The following PBX1 variants were observed in gnomAD, a reference collection of about 807,000 sequenced individuals.
PBX1 encodes pre-B-cell leukemia transcription factor 1.
Under a neutral mutation model 53.4 loss-of-function variants are expected in PBX1, and 6 were observed. The ratio of observed to expected loss-of-function variants is 0.11; its 90% CI spans 0.06 to 0.22. PBX1 has a LOEUF of 0.22. Among genes scored for constraint, PBX1 ranks in the 10% least tolerant of loss-of-function variants. The pLI is 1.00. For missense variants in PBX1, 251 were observed against 551.4 expected (o/e 0.46, Z 5.46); for synonymous variants, 204 against 212.3 (o/e 0.96, Z 0.34).
rs1165817268 is a variant in PBX1 at position 164,881,344 on chromosome 1, GGAAGGAAGGAAGGAAGGAGGAAAA to G, written n.258-17825_258-17802del. 5.2e-3 allele frequency among the ~76,000 whole-genome samples: 313 copies of G among 60,662 alleles called. 9 individuals carry two copies. The highest frequency in any genetic ancestry group is 0.038 in the Middle Eastern group (4 of 104). The allele number at this position is 60,662 out of a possible 152,430, so 39.8% of individuals were successfully genotyped here. ...AGGAAGGAGGAAAAGAAGGAAGGAA[GGAAGGAAGGAAGGAAGGAGGAAAA>G]GAAGGAAGGAAGGAAGGAAGGAAGG... On this transcript the variant is annotated intron_variant and non_coding_transcript_variant, in intron 2 of 2. Coordinates refer to the PBX1 transcript ENST00000558796.
intron 2 of PBX1, among the ~76,000 whole-genome samples, chr1:164,604,932 A>G (rs1205904891): frequency 6.6e-6 from 1 of 152,222 alleles, no homozygotes; most frequent in African/African-American, 2.4e-5. Context: ...AGACAAGACA[A>G]ACCATCTTCC....
intron 2 of PBX1, among the ~76,000 whole-genome samples, chr1:164,662,347 T>C (rs74662283): frequency 0.014 from 2,082 of 152,186 alleles, 59 homozygotes; most frequent in African/African-American, 0.047. Flanking sequence ...CAAAAACTTC[T>C]TTAGTCTGTT....
intron 2 of PBX1, chr1:164,564,073 G>A (rs1176208867): frequency 6.6e-6 from 1 of 152,094 alleles, no homozygotes. Context: ...ACATCCCCTT[G>A]TTTATTTTAA....
chr1:164,623,681 A>G (rs1166565019), intron 2 of PBX1, among the ~76,000 whole-genome samples: 1 of 151,998 alleles, frequency 6.6e-6, no homozygotes, highest in East Asian at 1.9e-4. Flanking sequence ...TGTGGCTAGC[A>G]TCTTGGTGCT....
At chr1:164,844,110 T>C (rs2102415291) in intron 8 of PBX1, among the ~76,000 whole-genome samples, 1 of 129,604 alleles carries the variant, frequency 7.7e-6, no homozygotes, top group East Asian at 2.1e-4. Context: ...TTTCTTTCTT[T>C]CTTTCTTTTT....
At chr1:164,821,082 C>T (rs1431253385) in intron 7 of PBX1, among the ~76,000 whole-genome samples, 2 of 152,206 alleles carry the variant, frequency 1.3e-5, no homozygotes, top group African/African-American at 4.8e-5. Context: ...TACAAGGTCT[C>T]AATCAAGTAC....
chr1:164,616,525 A>G (rs781201431), intron 2 of PBX1, among the ~76,000 whole-genome samples: 11 of 152,254 alleles, frequency 7.2e-5, no homozygotes, highest in Non-Finnish European at 1.2e-4. Context: ...CGGTTAGCTG[A>G]ATCATATTTT....
chr1:164,875,984 ATGTG>A (rs1347054226), intron 2 of PBX1, among the ~76,000 whole-genome samples: 1 of 50,168 alleles, frequency 2.0e-5, no homozygotes, highest in Non-Finnish European at 6.6e-5. Context: ...TATTTGGTGT[ATGTG>A]TATATATATA....
chr1:164,587,458 G>T (rs1185418841), intron 2 of PBX1, among the ~76,000 whole-genome samples: 1 of 152,080 alleles, frequency 6.6e-6, no homozygotes, highest in Non-Finnish European at 1.5e-5. Context: ...CTTTTGTCGG[G>T]TGAGGAGCCC....
chr1:164,644,549 C>T (rs1259708808), intron 2 of PBX1, among the ~76,000 whole-genome samples: 4 of 150,754 alleles, frequency 2.7e-5, no homozygotes, highest in Middle Eastern at 3.4e-3. Context: ...AAATCTAAAA[C>T]GTTTATCAGC....
Position 164,679,293 on chromosome 1 carries a change from GT to G in PBX1, c.266-113199del, listed in dbSNP as rs1296904684. On this transcript the variant is annotated intron_variant, in intron 2 of 8. Transcript: ENST00000420696. The stretch of plus-strand genomic sequence containing the variant: ...ACCCTTGCCAAATTCTGCACTTTTT[GT>G]TAGTTTGTTTGCACTGCGGAAGGAT... 8.5e-5 allele frequency among the ~76,000 whole-genome samples: 13 copies of G among 152,278 alleles called. No homozygotes were observed. The East Asian group carries it at 1.9e-3, about 23-fold the overall frequency.
chr1:164,649,568 G>A (rs925709913), intron 2 of PBX1, among the ~76,000 whole-genome samples: 1 of 152,084 alleles, frequency 6.6e-6, no homozygotes, highest in African/African-American at 2.4e-5. Flanking sequence ...GTGTGGCTTG[G>A]AGCCATGGCC....
chr1:164,883,524 C>T (rs1405985768), intron 2 of PBX1, among the ~76,000 whole-genome samples: 1 of 152,124 alleles, frequency 6.6e-6, no homozygotes, highest in Non-Finnish European at 1.5e-5. Context: ...TCCATAATTT[C>T]CTTCTAATAT....
At position 164,834,051 on chromosome 1, in the gene PBX1, G is replaced by GTA. The variant is rs1374824786; in HGVS notation, c.1200+12426_1200+12427insAT. ...TATATGTGTGTGTGTGTGTGTGTGT[G>GTA]TGTGTGTGTGTGTGTGTGTATTCAG... On this transcript the variant is annotated intron_variant, in intron 8 of 8. Transcript: ENST00000420696. Among the ~76,000 whole-genome samples the GTA allele has an allele frequency of 3.6e-4, 54 of 148,630 alleles. 1 individual carries two copies. The highest frequency in any genetic ancestry group is 1.4e-3 in the African/African-American group (53 of 38,874).
chr1:164,605,062 A>G (rs1656459781), intron 2 of PBX1: 1 of 152,162 alleles, frequency 6.6e-6, no homozygotes. Context: ...TGGGGCAGTC[A>G]AAGAAATAGG....
chr1:164,821,645 C>A lies in PBX1; in HGVS notation c.1200+19C>A, dbSNP rs763897674. 1.1e-5 allele frequency: 17 copies of A among 1,589,796 alleles called. No individual in the cohort carries two copies. Among genetic ancestry groups the A allele is most frequent in the Non-Finnish European group, 1.5e-5 (17 of 1,158,144 alleles). On this transcript the variant is annotated intron_variant, in intron 8 of 8. Transcript: ENST00000420696. ...CATCAGTGTAAGAAAACAAGCCCCC[C>A]CACCCCCTGCTTTGTTTTTATTCTT...
chr1:164,778,649 A>AG, intron 2 of PBX1, among the ~76,000 whole-genome samples: 1 of 147,738 alleles, frequency 6.8e-6, no homozygotes, highest in South Asian at 2.1e-4. Flanking sequence ...AAAAAAAAAA[A>AG]AGAAGAACAG....
chr1:164,736,907 T>C (rs1665323054), intron 2 of PBX1, among the ~76,000 whole-genome samples: 1 of 152,236 alleles, frequency 6.6e-6, no homozygotes, highest in Admixed American at 6.5e-5. Context: ...AGTGGGAATA[T>C]GGTGGAGCCA....
intron 2 of PBX1, among the ~76,000 whole-genome samples, chr1:164,764,994 T>G (rs1666993557): frequency 6.6e-6 from 1 of 152,274 alleles, no homozygotes; most frequent in East Asian, 1.9e-4. Flanking sequence ...TGGGAAGGAA[T>G]TTTCTAGCAC....
Sources: gnomAD v4.1 joint callset for allele counts (sites outside exome capture counted in the v4.1 genomes callset) on GRCh38, gnomAD v4.1.1 for gene constraint, MANE v1.5 for transcripts, NCBI Gene and HGNC (gene_info 2026-07-23, HGNC 2026-07-21) for gene names.